Variants in PLCZ1 observed in about 807,000 individuals in gnomAD.
PLCZ1 encodes the protein phospholipase C zeta 1.
Under a neutral mutation model 76.8 loss-of-function variants are expected in PLCZ1, and 64 were observed. That is an observed-to-expected ratio of 0.83 (90% CI 0.68 to 1.03). The LOEUF (loss-of-function observed/expected upper bound fraction) is 1.03, where lower values mean the gene tolerates loss of function less well. PLCZ1 is among the 50% of genes least tolerant of loss of function. The pLI, the probability that PLCZ1 is intolerant of heterozygous loss-of-function variation, is 0.00. For missense variants in PLCZ1, 751 were observed against 713.7 expected, an observed-to-expected ratio of 1.05 and a Z score of -0.60; for synonymous variants, 248 against 230.8, an observed-to-expected ratio of 1.07 and a Z score of -0.68.
At chr12:18,721,231 G>A (rs1174241280) in intron 4 of PLCZ1, among the ~76,000 whole-genome samples, 1 of 152,062 alleles carries the variant, frequency 6.6e-6, no homozygotes, top group Non-Finnish European at 1.5e-5. Flanking sequence ...CTACCAGTTT[G>A]AAATAAGGAT....
intron 9 of PLCZ1, 114 bp downstream of exon 9, chr12:18,701,385 CTA>C: frequency 6.5e-7 from 1 of 1,535,854 alleles, no homozygotes; most frequent in Non-Finnish European, 8.8e-7. Context: ...AAATGATAGA[CTA>C]GAGTTTTTAT....
chr12:18,707,148 T>C (rs1956702592), intron 6 of PLCZ1, among the ~76,000 whole-genome samples: 2 of 152,218 alleles, frequency 1.3e-5, no homozygotes, highest in Admixed American at 6.5e-5. Context: ...TCTCCCCATC[T>C]AGAGGTCTTT....
intron 5 of PLCZ1, among the ~76,000 whole-genome samples, chr12:18,717,947 G>A (rs1052221061): frequency 1.6e-4 from 24 of 152,044 alleles, no homozygotes; most frequent in African/African-American, 4.8e-4. Flanking sequence ...ATACTCCGTC[G>A]CACGATGTTG....
the PLCZ1 span, among the ~76,000 whole-genome samples, chr12:18,650,704 G>GTATATATCTATATATATA: frequency 1.7e-5 from 1 of 57,764 alleles, no homozygotes; most frequent in African/African-American, 5.2e-5. Flanking sequence ...GTGTGTGTGT[G>GTATATATCTATATATATA]TATATATCTA....
chr12:18,657,137 C>T, the PLCZ1 span, among the ~76,000 whole-genome samples: 2 of 152,130 alleles, frequency 1.3e-5, no homozygotes, highest in Admixed American at 6.5e-5. Context: ...GAGGTGACTA[C>T]CCAGGGAGAA....
the PLCZ1 span, among the ~76,000 whole-genome samples, chr12:18,650,688 GTGTGTGTGTGTGTGTGTATATATCTATA>G: frequency 8.9e-4 from 36 of 40,234 alleles, no homozygotes; most frequent in East Asian, 2.3e-3. Context: ...GTGTGTGTGT[GTGTGTGTGTGTGTGTGTATATATCTATA>G]TATATATATA....
chr12:18,733,080 A>C (rs1959143069), intron 3 of PLCZ1, among the ~76,000 whole-genome samples: 1 of 152,196 alleles, frequency 6.6e-6, no homozygotes. Flanking sequence ...CCAATAGTAT[A>C]CAAGAGTTCC....
chr12:18,680,594 A>G (rs139897704), downstream of PLCZ1, among the ~76,000 whole-genome samples: 81 of 152,062 alleles, frequency 5.3e-4, no homozygotes, highest in African/African-American at 1.9e-3. Context: ...AAAAGAATAA[A>G]CCCTCAAAAT....
intron 6 of PLCZ1, among the ~76,000 whole-genome samples, chr12:18,710,659 G>A (rs1000736161): frequency 5.9e-5 from 9 of 152,070 alleles, no homozygotes; most frequent in African/African-American, 2.2e-4. Context: ...AATGAGAGGT[G>A]ATGTTGGTTG....
At chr12:18,650,434 T>C in the PLCZ1 span, among the ~76,000 whole-genome samples, 1 of 149,398 alleles carries the variant, frequency 6.7e-6, no homozygotes, top group East Asian at 2.0e-4. Context: ...TAGGAATTTT[T>C]TTAATCTTTG....
the PLCZ1 span, among the ~76,000 whole-genome samples, chr12:18,651,305 C>G: frequency 0.66 from 100,728 of 151,480 alleles, 33,793 homozygotes; most frequent in East Asian, 0.89. Flanking sequence ...CGTCTCTGCC[C>G]TGCCTACCTT....
chr12:18,711,170 G>A (rs886532711), intron 6 of PLCZ1, among the ~76,000 whole-genome samples: 3 of 151,790 alleles, frequency 2.0e-5, no homozygotes, highest in Admixed American at 6.6e-5. Context: ...TTAAGAAAAT[G>A]GGGAACATAT....
chr12:18,712,829 GAT>G lies in PLCZ1; in HGVS notation c.714+11_714+12del. ...GTTTAAATAGCTACAGTTGAACAAAGATATGTACATACCATGAATGCATACTT... is the reference window on the plus strand; with the variant it reads ...GTTTAAATAGCTACAGTTGAACAAAGATGTACATACCATGAATGCATACTT... On this transcript the variant is annotated intron_variant, in intron 6 of 14. Transcript: ENST00000266505. 1 of 1,612,954 alleles carries G rather than the reference GAT, an allele frequency of 6.2e-7. No homozygotes were observed. The highest frequency in any genetic ancestry group is 1.1e-5 in the South Asian group (1 of 91,052).
the PLCZ1 span, among the ~76,000 whole-genome samples, chr12:18,662,582 A>T: frequency 6.6e-6 from 1 of 152,152 alleles, no homozygotes; most frequent in African/African-American, 2.4e-5. Flanking sequence ...TATTATTGTA[A>T]CTTTGGTCTG....
chr12:18,654,715 G>C, the PLCZ1 span, among the ~76,000 whole-genome samples: 1 of 152,104 alleles, frequency 6.6e-6, no homozygotes. Flanking sequence ...ATCAGCTCTT[G>C]GTCTGATAAG....
intron 7 of PLCZ1, among the ~76,000 whole-genome samples, chr12:18,704,138 C>A (rs1369913964): frequency 6.6e-6 from 1 of 151,934 alleles, no homozygotes; most frequent in Non-Finnish European, 1.5e-5. Context: ...TGGAGGTCGA[C>A]AGTATTGAAT....
At chr12:18,679,393 C>A (rs1441903846), downstream of PLCZ1, among the ~76,000 whole-genome samples, 1 of 151,998 alleles carries the variant, frequency 6.6e-6, no homozygotes. Context: ...GATATTCTAT[C>A]TGCTTTCTTC....
chr12:18,709,526 T>C (rs376684546), intron 6 of PLCZ1, among the ~76,000 whole-genome samples: 1 of 46,136 alleles, frequency 2.2e-5, no homozygotes, highest in African/African-American at 7.2e-5. Context: ...TTACAAATTT[T>C]AGGACTTTTT....
chr12:18,663,622 C>A, the PLCZ1 span, among the ~76,000 whole-genome samples: 1 of 151,424 alleles, frequency 6.6e-6, no homozygotes, highest in Admixed American at 6.6e-5. Flanking sequence ...CTAAACATAA[C>A]AGCAAAAACT....
Sources: gnomAD v4.1 joint callset for allele counts (sites outside exome capture counted in the v4.1 genomes callset) on GRCh38, gnomAD v4.1.1 for gene constraint, MANE v1.5 for transcripts, NCBI Gene and HGNC (gene_info 2026-07-23, HGNC 2026-07-21) for gene names.